The following AFF2 variants were observed in gnomAD, a reference collection of about 807,000 sequenced individuals.
AFF2 encodes ALF transcription elongation factor 2.
Under a neutral mutation model 76.9 loss-of-function variants are expected in AFF2, and 14 were observed. The ratio of observed to expected loss-of-function variants is 0.18; its 90% CI spans 0.12 to 0.28. The LOEUF is 0.28. AFF2 is among the 10% of genes least tolerant of loss of function. The pLI is 1.00. For synonymous variants in AFF2, 398 were observed against 366.7 expected, an observed-to-expected ratio of 1.09 and a Z score of -0.98; for missense variants, 868 against 1,001.1, an observed-to-expected ratio of 0.87 and a Z score of 1.79.
intron 4 of AFF2, among the ~76,000 whole-genome samples, chrX:148,824,060 C>CTTCT (rs782750331): frequency 1.0e-5 from 1 of 96,656 alleles, no homozygotes; most frequent in Non-Finnish European, 2.0e-5. Context: ...ATATTTGCTT[C>CTTCT]CTCTCTCTCT....
At chrX:148,774,389 G>A (rs1557268376) in intron 3 of AFF2, among the ~76,000 whole-genome samples, 1 of 111,392 alleles carries the variant, frequency 9.0e-6, no homozygotes, top group African/African-American at 3.3e-5. Context: ...AGACTGACGT[G>A]GAAGAAAACA....
chrX:148,501,087 G>T lies in AFF2; in HGVS notation c.-11G>T, dbSNP rs1285787046. The T allele has an allele frequency of 7.5e-6, 9 of 1,207,399 alleles. No individual in the cohort carries two copies. The highest frequency in any genetic ancestry group is 1.0e-5 in the Non-Finnish European group (9 of 893,892). On this transcript the variant is annotated 5_prime_UTR_variant, in exon 1 of 21. Transcript: ENST00000370460. ...GGACAGGCGCCCGCCCGCCGCCGCC[G>T]CCTGGCCGCTATGGATCTATTCGAC...
At chrX:148,531,891 A>G (rs1291169529) in intron 1 of AFF2, among the ~76,000 whole-genome samples, 1 of 70,943 alleles carries the variant, frequency 1.4e-5, no homozygotes, top group African/African-American at 6.2e-5. Flanking sequence ...TTGATAGAAG[A>G]TTAATTATCT....
intron 20 of AFF2, among the ~76,000 whole-genome samples, chrX:148,990,644 T>G (rs2072523736): frequency 8.9e-6 from 1 of 111,809 alleles, no homozygotes; most frequent in African/African-American, 3.3e-5. Context: ...GAAAAGTTGT[T>G]AAGTGACAGA....
chrX:148,597,506 C>A (rs1259038044), intron 1 of AFF2, among the ~76,000 whole-genome samples: 1 of 112,080 alleles, frequency 8.9e-6, no homozygotes, highest in Admixed American at 9.4e-5. Flanking sequence ...TGAGCATGAT[C>A]CGCAGGACTA....
chrX:148,961,226 T>A (rs1425469483), intron 12 of AFF2, among the ~76,000 whole-genome samples: 6 of 111,925 alleles, frequency 5.4e-5, no homozygotes, highest in African/African-American at 1.9e-4. Context: ...GAACCACCAT[T>A]CACCTCCTGT....
chrX:148,639,731 G>C (rs2054068509), intron 1 of AFF2, among the ~76,000 whole-genome samples: 1 of 112,055 alleles, frequency 8.9e-6, no homozygotes, highest in African/African-American at 3.2e-5. Context: ...AAGATGCAAA[G>C]GATAAACATG....
intron 1 of AFF2, among the ~76,000 whole-genome samples, chrX:148,632,896 A>C (rs2053993907): frequency 8.9e-6 from 1 of 111,926 alleles, no homozygotes; most frequent in Admixed American, 9.5e-5. Flanking sequence ...GAAAGATGGA[A>C]ACCCAGGTCT....
At chrX:148,592,852 G>A (rs1205221805) in intron 1 of AFF2, among the ~76,000 whole-genome samples, 1 of 112,348 alleles carries the variant, frequency 8.9e-6, no homozygotes, top group African/African-American at 3.2e-5. Context: ...CAGGCAGGAT[G>A]AGGTTGAAAC....
intron 3 of AFF2, among the ~76,000 whole-genome samples, chrX:148,676,207 C>G (rs1436792167): frequency 4.6e-5 from 5 of 109,328 alleles, no homozygotes; most frequent in African/African-American, 1.7e-4. Context: ...CTACAGGCAC[C>G]CACCACCACG....
intron 3 of AFF2, among the ~76,000 whole-genome samples, chrX:148,676,598 T>A (rs1396824107): frequency 1.8e-5 from 2 of 111,881 alleles, no homozygotes; most frequent in African/African-American, 6.5e-5. Flanking sequence ...AGAACAGTGT[T>A]TGGTATTCTC....
chrX:148,586,032 T>C (rs1249569914), intron 1 of AFF2, among the ~76,000 whole-genome samples: 1 of 110,690 alleles, frequency 9.0e-6, no homozygotes, highest in African/African-American at 3.3e-5. Context: ...CATCAATGTG[T>C]TTTTATAAAA....
intron 3 of AFF2, among the ~76,000 whole-genome samples, chrX:148,701,012 A>AGAGAATGTG (rs782232655): frequency 1.2e-3 from 88 of 73,720 alleles, no homozygotes; most frequent in Middle Eastern, 8.0e-3. Flanking sequence ...GAGAGAGAGA[A>AGAGAATGTG]TGTGTGTGTG....
intron 1 of AFF2, among the ~76,000 whole-genome samples, chrX:148,524,097 TTCTCTCTC>T (rs374800530): frequency 1.5e-4 from 12 of 78,240 alleles, no homozygotes; most frequent in Non-Finnish European, 2.9e-4. Flanking sequence ...CTCTCTCTCT[TTCTCTCTC>T]TCTCTCTCTC....
chrX:148,801,984 A>T (rs1374679338), intron 3 of AFF2, among the ~76,000 whole-genome samples: 1 of 111,709 alleles, frequency 9.0e-6, no homozygotes, highest in African/African-American at 3.3e-5. Context: ...CTGCAGCCTC[A>T]TCCTTATTTA....
intron 4 of AFF2, among the ~76,000 whole-genome samples, chrX:148,824,818 T>C (rs1489263194): frequency 2.7e-5 from 3 of 111,307 alleles, no homozygotes; most frequent in African/African-American, 9.8e-5. Flanking sequence ...AGAGGACTGC[T>C]TGAGACCAGG....
intron 1 of AFF2, among the ~76,000 whole-genome samples, chrX:148,623,600 A>AATAT (rs782158598): frequency 0.013 from 1,355 of 101,450 alleles, 28 homozygotes; most frequent in African/African-American, 0.042. Context: ...CAAACATTTG[A>AATAT]ATATATATAT....
At chrX:148,522,739 C>A (rs2052615375) in intron 1 of AFF2, among the ~76,000 whole-genome samples, 1 of 111,885 alleles carries the variant, frequency 8.9e-6, no homozygotes, top group Non-Finnish European at 1.9e-5. Flanking sequence ...AGTGGTATCA[C>A]AAAACCCTGC....
Position 148,828,913 on chromosome X carries a change from T to C in AFF2, c.1087-8734T>C, listed in dbSNP as rs1603307454. ...AGTGGAGATTCAGAATACTGATCAC[T>C]ATACTTCCCAATTGTACATTATAAT... On this transcript the variant is annotated intron_variant, in intron 4 of 20. Coordinates refer to ENST00000370460, the MANE Select transcript of AFF2 (RefSeq NM_002025.4). 4.5e-5 allele frequency among the ~76,000 whole-genome samples: 5 copies of C among 112,253 alleles called. No individual in the cohort carries two copies. The Admixed American group carries it at 4.7e-4, about 11-fold the overall frequency.
Sources: allele counts gnomAD v4.1 joint callset (sites outside exome capture counted in the v4.1 genomes callset), GRCh38; gene constraint gnomAD v4.1.1; transcripts MANE v1.5; gene names NCBI Gene and HGNC (gene_info 2026-07-23, HGNC 2026-07-21).